The following CREB1 variants were observed in gnomAD, a reference collection of about 807,000 sequenced individuals.
CREB1 encodes the protein cAMP responsive element binding protein 1.
In CREB1, 2 loss-of-function variants were observed where a neutral mutation model predicts 42.0. That is an observed-to-expected ratio of 0.05 (90% CI 0.02 to 0.15). CREB1 has a LOEUF of 0.15. Among genes scored for constraint, CREB1 ranks in the 10% least tolerant of loss-of-function variants. CREB1 has a pLI of 1.00. For synonymous variants in CREB1, 123 were observed against 139.9 expected, an observed-to-expected ratio of 0.88 and a Z score of 0.85; for missense variants, 199 against 388.9, an observed-to-expected ratio of 0.51 and a Z score of 4.11.
chr2:207,597,768 A>G lies in CREB1; in HGVS notation c.*710A>G. ...CTGTATGTGTTCAACATTTTTGAATACATTAAAAGAAGTAACCAACTGAAC... is the reference window on the plus strand; with the variant it reads ...CTGTATGTGTTCAACATTTTTGAATGCATTAAAAGAAGTAACCAACTGAAC... On this transcript the variant is annotated 3_prime_UTR_variant, in exon 8 of 8. Coordinates refer to ENST00000353267, the MANE Select transcript of CREB1 (RefSeq NM_004379.5). 5.0e-6 allele frequency: 1 copy of G among 201,576 alleles called. No individual in the cohort carries two copies. Among genetic ancestry groups the G allele is most frequent in the Non-Finnish European group, 1.0e-5 (1 of 97,890 alleles). The allele number at this position is 201,576 out of a possible 1,614,324, so 12.5% of individuals were successfully genotyped here. A position where few individuals can be genotyped will look rare whatever the true frequency, so the allele number is the denominator to read the frequency against.
chr2:207,562,302 A>T lies in CREB1; in HGVS notation c.261+1930A>T, dbSNP rs574190262. Among the ~76,000 whole-genome samples, 52 of 152,312 alleles carry T rather than the reference A, an allele frequency of 3.4e-4. 1 individual carries two copies. In the South Asian group the frequency reaches 0.011, roughly 32 times the overall value. ...CCTTTCTCTTTTTCACTTATAGAAG[A>T]TCTTTCTATAAAGAACACAAAAATT... On this transcript the variant is annotated intron_variant, in intron 3 of 7. Coordinates refer to ENST00000353267, the MANE Select transcript of CREB1 (RefSeq NM_004379.5).
At chr2:207,536,862 C>T (rs566376803) in intron 1 of CREB1, among the ~76,000 whole-genome samples, 12 of 151,820 alleles carry the variant, frequency 7.9e-5, no homozygotes, top group African/African-American at 2.7e-4. Context: ...TAGTTGTATA[C>T]GCCTGTAGTC....
chr2:207,597,236 A>ACCG lies in CREB1; in HGVS notation c.*178_*179insCCG. Reference sequence around the variant, plus strand: ...TTTTGCATTAAACTGTGAATGTTCCAACACCTGCCTCCACTTCTCCCCTCA... The same window carrying ACCG: ...TTTTGCATTAAACTGTGAATGTTCCACCGACACCTGCCTCCACTTCTCCCCTCA... On this transcript the variant is annotated 3_prime_UTR_variant, in exon 8 of 8. Coordinates refer to ENST00000353267, the MANE Select transcript of CREB1 (RefSeq NM_004379.5). 1 of 594,570 alleles carries ACCG rather than the reference A, an allele frequency of 1.7e-6. No homozygotes were observed. Among genetic ancestry groups the ACCG allele is most frequent in the Non-Finnish European group, 2.7e-6 (1 of 377,154 alleles). The allele number at this position is 594,570 out of a possible 1,614,324, so 36.8% of individuals were successfully genotyped here.
chr2:207,583,448 T>C (rs1246707708), intron 7 of CREB1, among the ~76,000 whole-genome samples: 2 of 152,214 alleles, frequency 1.3e-5, no homozygotes, highest in Non-Finnish European at 2.9e-5. Context: ...GAATTGATAA[T>C]ATGTACCATT....
chr2:207,586,699 G>A (rs188859687), intron 7 of CREB1, among the ~76,000 whole-genome samples: 83 of 152,192 alleles, frequency 5.5e-4, no homozygotes, highest in Admixed American at 2.9e-3. Flanking sequence ...GAACTCAACC[G>A]AACAGGAAAA....
At chr2:207,593,719 CTTTT>C (rs5838079) in intron 7 of CREB1, among the ~76,000 whole-genome samples, 3 of 102,666 alleles carry the variant, frequency 2.9e-5, no homozygotes, top group Non-Finnish European at 3.9e-5. Flanking sequence ...TCCTCACAAA[CTTTT>C]TTTTTTTTTT....
At chr2:207,530,742 T>C (rs1470409188) in intron 1 of CREB1, among the ~76,000 whole-genome samples, 1 of 151,830 alleles carries the variant, frequency 6.6e-6, no homozygotes, top group East Asian at 1.9e-4. Context: ...GTGCCTGCCA[T>C]GCCCGCTTCG....
At chr2:207,556,092 A>G (rs2081708879) in intron 2 of CREB1, among the ~76,000 whole-genome samples, 1 of 152,100 alleles carries the variant, frequency 6.6e-6, no homozygotes, top group South Asian at 2.1e-4. Flanking sequence ...ACACAGATTT[A>G]TTTTTTAACA....
chr2:207,554,427 GTGT>G (rs2081635429), intron 1 of CREB1, among the ~76,000 whole-genome samples: 1 of 152,108 alleles, frequency 6.6e-6, no homozygotes, highest in African/African-American at 2.4e-5. Flanking sequence ...TGGGCTTTTT[GTGT>G]TGTTTGTGGA....
intron 2 of CREB1, among the ~76,000 whole-genome samples, chr2:207,559,859 T>C (rs550224609): frequency 5.9e-5 from 9 of 152,316 alleles, no homozygotes. Flanking sequence ...CACCCAGTCT[T>C]CAGTTTCTTC....
chr2:207,545,203 C>G (rs987287794), intron 1 of CREB1, among the ~76,000 whole-genome samples: 5 of 152,010 alleles, frequency 3.3e-5, no homozygotes, highest in Non-Finnish European at 7.4e-5. Context: ...GAGAAAGGTT[C>G]TTTTATTTTT....
At chr2:207,551,612 C>T (rs1351829644) in intron 1 of CREB1, among the ~76,000 whole-genome samples, 1 of 152,128 alleles carries the variant, frequency 6.6e-6, no homozygotes, top group Non-Finnish European at 1.5e-5. Flanking sequence ...TAGGTGACCT[C>T]TTACTCAATG....
intron 4 of CREB1, 125 bp from the exon 5 acceptor site, chr2:207,570,054 A>AG (rs1212633259): frequency 1.5e-6 from 1 of 659,010 alleles, no homozygotes; most frequent in East Asian, 3.4e-5. Context: ...AAAAAAAAAA[A>AG]AAAAAAAACC....
intron 1 of CREB1, among the ~76,000 whole-genome samples, chr2:207,543,123 AATACCTT>A (rs1378303538): frequency 2.0e-5 from 3 of 152,170 alleles, no homozygotes; most frequent in Non-Finnish European, 4.4e-5. Flanking sequence ...GATTACTTAT[AATACCTT>A]ATACAGTGCC....
At chr2:207,573,978 T>C (rs1445077504) in intron 5 of CREB1, among the ~76,000 whole-genome samples, 2 of 152,236 alleles carry the variant, frequency 1.3e-5, no homozygotes, top group Non-Finnish European at 2.9e-5. Context: ...CTTAGAATAG[T>C]TCTTACTCAT....
intron 1 of CREB1, among the ~76,000 whole-genome samples, chr2:207,543,561 A>C (rs191228953): frequency 2.0e-5 from 3 of 151,994 alleles, no homozygotes; most frequent in African/African-American, 7.2e-5. Flanking sequence ...TCTCTTTGTA[A>C]AGTTTTCAGG....
intron 3 of CREB1, among the ~76,000 whole-genome samples, chr2:207,561,733 T>C (rs888111355): frequency 1.3e-5 from 2 of 152,220 alleles, no homozygotes; most frequent in African/African-American, 4.8e-5. Context: ...AGCGCTGTTA[T>C]GTTTTCTTTA....
Position 207,575,437 on chromosome 2 carries a change from A to G in CREB1, c.671A>G (p.Asn224Ser), listed in dbSNP as rs1367946532. 2 of 1,611,614 alleles carry G rather than the reference A, an allele frequency of 1.2e-6. No individual in the cohort carries two copies. The highest frequency in any genetic ancestry group is 3.3e-5 in the Admixed American group (2 of 59,960). ...TDGQQILVPS[N>S]QVVVQAASGD... ...GGACAGCAGATCTTAGTGCCCAGCAACCAAGTTGTTGTTCAAGGTAAGGGA... is the reference window on the plus strand; with the variant it reads ...GGACAGCAGATCTTAGTGCCCAGCAGCCAAGTTGTTGTTCAAGGTAAGGGA... Residue 224 changes from asparagine to serine, a missense_variant, in exon 6 of 8, where the codon AAC becomes AGC. Transcript: ENST00000353267.
Position 207,593,491 on chromosome 2 carries a change from C to T in CREB1, c.840-3423C>T, listed in dbSNP as rs541756704. Among the ~76,000 whole-genome samples the T allele has an allele frequency of 3.3e-5, 5 of 152,320 alleles. No individual in the cohort carries two copies. The South Asian group carries it at 1.0e-3, about 32-fold the overall frequency. The stretch of plus-strand genomic sequence containing the variant: ...GCTGCAGTGAGCCCTCATTGTGCCA[C>T]TGCACTCCAGCCTGGGCAGCAGAGC... On this transcript the variant is annotated intron_variant, in intron 7 of 7. Coordinates refer to ENST00000353267, the MANE Select transcript of CREB1 (RefSeq NM_004379.5).
Sources: allele counts gnomAD v4.1 joint callset (sites outside exome capture counted in the v4.1 genomes callset), GRCh38; gene constraint gnomAD v4.1.1; transcripts MANE v1.5; gene names NCBI Gene and HGNC (gene_info 2026-07-23, HGNC 2026-07-21).